The following EPHA4 variants were observed in gnomAD, a reference collection of about 807,000 sequenced individuals.
EPHA4 encodes the protein ephrin type-A receptor 4.
EPHA4 carries 19 observed loss-of-function variants against 108.3 expected under a neutral mutation model. The ratio of observed to expected loss-of-function variants is 0.18; its 90% confidence interval spans 0.12 to 0.26. EPHA4 has a LOEUF of 0.26. Ranked by LOEUF, EPHA4 falls within the 10% of genes least tolerant of loss-of-function variation. The pLI is 1.00. For missense variants in EPHA4, 917 were observed against 1,254.0 expected (o/e 0.73, Z 4.06); for synonymous variants, 449 against 455.5 (o/e 0.99, Z 0.18).
chr2:221,500,917 C>G, intron 4 of EPHA4, 100 bp downstream of exon 4: 1 of 1,257,474 alleles, frequency 8.0e-7, no homozygotes, highest in Non-Finnish European at 1.1e-6. Flanking sequence ...TCTCAAGTGC[C>G]CCCTGAATGA....
chr2:221,464,249 C>T (rs1691237039), intron 5 of EPHA4, among the ~76,000 whole-genome samples: 2 of 152,192 alleles, frequency 1.3e-5, no homozygotes, highest in Admixed American at 1.3e-4. Flanking sequence ...ATACATATCT[C>T]TGCTTAATGC....
intron 8 of EPHA4, among the ~76,000 whole-genome samples, chr2:221,447,315 A>G (rs1559244705): frequency 6.6e-6 from 1 of 152,224 alleles, no homozygotes; most frequent in Non-Finnish European, 1.5e-5. Context: ...ACACGGTCTG[A>G]GATAAGTAAA....
intron 3 of EPHA4, among the ~76,000 whole-genome samples, chr2:221,531,744 G>A (rs557819813): frequency 6.7e-6 from 1 of 149,170 alleles, no homozygotes; most frequent in East Asian, 2.0e-4. Context: ...TAATTTCTAT[G>A]TATCTAGATA....
chr2:221,443,970 C>A (rs1037420524), intron 9 of EPHA4, among the ~76,000 whole-genome samples: 1 of 152,202 alleles, frequency 6.6e-6, no homozygotes, highest in Non-Finnish European at 1.5e-5. Context: ...TTTCAGTTAT[C>A]CTCCCTTAGG....
At chr2:221,437,179 T>G in intron 11 of EPHA4, 57 bp from the exon 12 acceptor site, 1 of 1,324,524 alleles carries the variant, frequency 7.5e-7, no homozygotes. Flanking sequence ...CTTAATGAGA[T>G]AAAAATGGGC....
At chr2:221,436,373 GC>G in intron 13 of EPHA4, 25 bp downstream of exon 13, 1 of 1,606,572 alleles carries the variant, frequency 6.2e-7, no homozygotes, top group Non-Finnish European at 8.5e-7. Context: ...CAGAGTGAAA[GC>G]CCAGATGTCA....
At chr2:221,518,232 A>C (rs756939762) in intron 3 of EPHA4, among the ~76,000 whole-genome samples, 1 of 152,202 alleles carries the variant, frequency 6.6e-6, no homozygotes, top group African/African-American at 2.4e-5. Flanking sequence ...TTAAGAGCTC[A>C]GTCCTTATCC....
chr2:221,529,154 A>G (rs771729205), intron 3 of EPHA4, among the ~76,000 whole-genome samples: 1 of 152,182 alleles, frequency 6.6e-6, no homozygotes, highest in Non-Finnish European at 1.5e-5. Flanking sequence ...ATTTTCTATA[A>G]TTTACATACA....
chr2:221,516,426 C>T (rs1056961107), intron 3 of EPHA4, among the ~76,000 whole-genome samples: 4 of 148,076 alleles, frequency 2.7e-5, no homozygotes, highest in Admixed American at 6.8e-5. Flanking sequence ...ACGATCTCGG[C>T]TCACTGCAAC....
chr2:221,524,384 G>T (rs573940836), intron 3 of EPHA4, among the ~76,000 whole-genome samples: 17 of 152,198 alleles, frequency 1.1e-4, no homozygotes, highest in Non-Finnish European at 1.9e-4. Flanking sequence ...CGTCTCTATG[G>T]TTCCTCCAGT....
intron 3 of EPHA4, among the ~76,000 whole-genome samples, chr2:221,561,037 T>A (rs1434919516): frequency 1.3e-5 from 2 of 152,116 alleles, no homozygotes; most frequent in African/African-American, 4.8e-5. Context: ...GGTCAGGAGA[T>A]GGAGACCATC....
At chr2:221,477,162 A>C (rs946372986) in intron 5 of EPHA4, among the ~76,000 whole-genome samples, 1 of 152,148 alleles carries the variant, frequency 6.6e-6, no homozygotes, top group African/African-American at 2.4e-5. Context: ...AAACAGCTAC[A>C]ACAGGATTCA....
At chr2:221,488,952 T>C (rs1464832258) in intron 4 of EPHA4, among the ~76,000 whole-genome samples, 1 of 152,244 alleles carries the variant, frequency 6.6e-6, no homozygotes, top group East Asian at 1.9e-4. Flanking sequence ...GAGAACACAG[T>C]TGCTGGCTTA....
chr2:221,470,610 C>CCT (rs3835969), intron 5 of EPHA4, among the ~76,000 whole-genome samples: 54,040 of 86,940 alleles, frequency 0.62, 16,751 homozygotes, highest in East Asian at 0.69. Context: ...CTTTAGGGAA[C>CCT]CTGCTTTTCC....
intron 5 of EPHA4, among the ~76,000 whole-genome samples, chr2:221,481,373 A>T (rs549598080): frequency 1.3e-5 from 2 of 150,392 alleles, no homozygotes; most frequent in South Asian, 4.3e-4. Context: ...ATCAACTATA[A>T]AAGTAGCTGC....
chr2:221,506,582 T>C (rs186314585), intron 3 of EPHA4, among the ~76,000 whole-genome samples: 14 of 152,332 alleles, frequency 9.2e-5, no homozygotes, highest in Admixed American at 7.2e-4. Context: ...AGATGGACAA[T>C]TGGAACTGTT....
At chr2:221,540,014 G>T (rs1172557303) in intron 3 of EPHA4, among the ~76,000 whole-genome samples, 1 of 152,050 alleles carries the variant, frequency 6.6e-6, no homozygotes, top group African/African-American at 2.4e-5. Flanking sequence ...TTGCCTCCTG[G>T]GTTCAAGCAA....
rs140157758 is a variant in EPHA4, at chr2:221,443,104, G to A, written c.1889-90C>T. The A allele has an allele frequency of 2.0e-4, 271 of 1,363,032 alleles. No individual in the cohort carries two copies. The East Asian group carries it at 4.7e-3, about 24-fold the overall frequency. The allele number at this position is 1,363,032 out of a possible 1,614,324, so 84.4% of individuals were successfully genotyped here. A position where few individuals can be genotyped will look rare whatever the true frequency, so the allele number is the denominator to read the frequency against. On this transcript the variant is annotated intron_variant, in intron 10 of 17. Transcript: ENST00000281821. ...AACATTCCTTGAGTGCTTGTTACAC[G>A]CCAGGCTGTTTGCTAGTGCTTTGCA...
chr2:221,446,654 T>C (rs1690603172), intron 8 of EPHA4, among the ~76,000 whole-genome samples: 1 of 152,166 alleles, frequency 6.6e-6, no homozygotes, highest in Non-Finnish European at 1.5e-5. Flanking sequence ...ATAGTAAATA[T>C]TATTGCTATA....
Sources: allele counts gnomAD v4.1 joint callset (sites outside exome capture counted in the v4.1 genomes callset), GRCh38; gene constraint gnomAD v4.1.1; transcripts MANE v1.5; gene names NCBI Gene and HGNC (gene_info 2026-07-23, HGNC 2026-07-21).